PDE3B: variants seen among roughly 807,000 people sequenced by gnomAD.
PDE3B encodes the protein cGMP-inhibited 3',5'-cyclic phosphodiesterase 3B.
In PDE3B, 66 loss-of-function variants were observed where a neutral mutation model predicts 116.8. The ratio of observed to expected loss-of-function variants is 0.56; its 90% CI spans 0.46 to 0.69. PDE3B has a LOEUF of 0.69. Ranked by LOEUF, PDE3B falls within the 30% of genes least tolerant of loss-of-function variation. The probability of loss-of-function intolerance (pLI) is 0.00; values close to 1 mark genes in which losing one functional copy is unlikely to be tolerated. For missense variants in PDE3B, 1,384 were observed against 1,368.1 expected (o/e 1.01, Z -0.18); for synonymous variants, 595 against 533.6 (o/e 1.12, Z -1.59).
chr11:14,645,429 A>C (rs888057259), intron 1 of PDE3B, among the ~76,000 whole-genome samples: 2 of 152,168 alleles, frequency 1.3e-5, no homozygotes, highest in Non-Finnish European at 2.9e-5. Flanking sequence ...TTTTGGTGCC[A>C]TTTATCTGTT....
chr11:14,730,183 C>G (rs1432376378), intron 1 of PDE3B, among the ~76,000 whole-genome samples: 1 of 152,200 alleles, frequency 6.6e-6, no homozygotes, highest in African/African-American at 2.4e-5. Context: ...AATGGATTCT[C>G]TGATACTCCC....
At chr11:14,802,974 A>G (rs912070127) in intron 4 of PDE3B, among the ~76,000 whole-genome samples, 2 of 152,240 alleles carry the variant, frequency 1.3e-5, no homozygotes, top group Non-Finnish European at 2.9e-5. Flanking sequence ...TTAACAGTCC[A>G]TCTTAGAAAG....
chr11:14,671,844 A>G (rs1364231122), intron 1 of PDE3B, among the ~76,000 whole-genome samples: 1 of 151,866 alleles, frequency 6.6e-6, no homozygotes, highest in Non-Finnish European at 1.5e-5. Context: ...TTTGGGCAAC[A>G]TAGCAAGACT....
chr11:14,748,774 G>A (rs1177774988), intron 1 of PDE3B, among the ~76,000 whole-genome samples: 2 of 151,724 alleles, frequency 1.3e-5, no homozygotes, highest in African/African-American at 4.8e-5. Flanking sequence ...CTATAGTTAA[G>A]GTAAAAAGAT....
intron 1 of PDE3B, among the ~76,000 whole-genome samples, chr11:14,721,224 A>G (rs532445214): frequency 6.6e-6 from 1 of 152,342 alleles, no homozygotes; most frequent in African/African-American, 2.4e-5. Context: ...ACACTATGAG[A>G]TACCATCTCA....
chr11:14,878,291 C>T, the PDE3B span: 1 of 1,612,824 alleles, frequency 6.2e-7, no homozygotes, highest in Non-Finnish European at 8.5e-7. Flanking sequence ...AAGACAATGT[C>T]TTCTTCCTAA....
Position 14,644,560 on chromosome 11 carries a change from AC to A in PDE3B, c.487del (p.Leu163TrpfsTer39). The part of the protein sequence containing the change: ...WWLLALPACC[Y>X]LGDFLVWQWW... ...CTGCTGGCGCTGCCCGCCTGCTGTT[AC>A]CTGGGGGACTTCTTGGTGTGGCAGT... On this transcript the variant is annotated frameshift_variant, in exon 1 of 16. Coordinates refer to ENST00000282096, the MANE Select transcript of PDE3B (RefSeq NM_000922.4). LOFTEE classifies it high-confidence loss of function. The A allele has an allele frequency of 6.3e-7, 1 of 1,595,936 alleles. No individual in the cohort carries two copies. Among genetic ancestry groups the A allele is most frequent in the Non-Finnish European group, 8.5e-7 (1 of 1,171,574 alleles).
chr11:14,813,932 G>A (rs908197044), intron 5 of PDE3B, among the ~76,000 whole-genome samples: 1 of 152,148 alleles, frequency 6.6e-6, no homozygotes, highest in Non-Finnish European at 1.5e-5. Context: ...ATGTTGGGAA[G>A]TATTATTACA....
the PDE3B span, chr11:14,879,214 A>C: frequency 6.2e-7 from 1 of 1,613,322 alleles, no homozygotes; most frequent in Non-Finnish European, 8.5e-7. Context: ...AGTACTTTTC[A>C]TCAAAGTGTA....
At chr11:14,859,348 A>C (rs1366766401) in intron 13 of PDE3B, 102 bp downstream of exon 13, 1 of 694,972 alleles carries the variant, frequency 1.4e-6, no homozygotes, top group Non-Finnish European at 2.3e-6. Flanking sequence ...ACTACTTAGG[A>C]AGTAACAATA....
At chr11:14,737,718 T>C (rs1217590651) in intron 1 of PDE3B, among the ~76,000 whole-genome samples, 2 of 151,874 alleles carry the variant, frequency 1.3e-5, no homozygotes, top group African/African-American at 4.8e-5. Flanking sequence ...CTGCACCCAT[T>C]AACTCCTCAT....
At chr11:14,877,850 C>T in the PDE3B span, 67 of 395,406 alleles carry the variant, frequency 1.7e-4, no homozygotes, top group Non-Finnish European at 2.6e-4. Context: ...CAGCTTAGGG[C>T]GTCCATGACC....
chr11:14,842,074 C>G (rs1847484032), intron 11 of PDE3B, among the ~76,000 whole-genome samples: 1 of 151,234 alleles, frequency 6.6e-6, no homozygotes, highest in Non-Finnish European at 1.5e-5. Context: ...TTTATTAGTT[C>G]TAATAGTTTT....
At position 14,644,370 on chromosome 11, in the gene PDE3B, G is replaced by C; in HGVS notation, c.295G>C (p.Glu99Gln). 1.3e-6 allele frequency: 2 copies of C among 1,598,004 alleles called. No individual in the cohort carries two copies. Among genetic ancestry groups the C allele is most frequent in the Non-Finnish European group, 8.5e-7 (1 of 1,173,982 alleles). The change falls in exon 1 of 16, where the codon GAG (glutamate) becomes CAG (glutamine). Residue 99 changes from glutamate (E) to glutamine (Q), a missense_variant. Transcript: ENST00000282096. ...CGCCCTGCTGCTGGGCGCGGAACCC[G>C]AGAGCTGGGCTGCCGGGGCCGCCTG... ...VLALLLGAEP[E>Q]SWAAGAAWLR... is the part of the protein sequence containing the mutation.
rs141628830 is a variant in PDE3B at position 14,732,590 on chromosome 11, T to C, written c.979-39347T>C. ...TAAAATAGAAGTGTTCAAGATAACT[T>C]ACTAGGATGGATCATCTGTGTTTGC... On this transcript the variant is annotated intron_variant, in intron 1 of 15. Coordinates refer to ENST00000282096, the MANE Select transcript of PDE3B (RefSeq NM_000922.4). Among the ~76,000 whole-genome samples, 106 of 152,296 alleles carry C rather than the reference T, an allele frequency of 7.0e-4. No individual in the cohort carries two copies. The East Asian group carries it at 0.019, about 28-fold the overall frequency.
At chr11:14,674,050 A>T in intron 1 of PDE3B, 2 of 1,518,178 alleles carry the variant, frequency 1.3e-6, no homozygotes, top group South Asian at 1.1e-5. Flanking sequence ...CCAGTCATCA[A>T]CAAGCCACAG....
chr11:14,670,762 G>T (rs981493808), intron 1 of PDE3B, among the ~76,000 whole-genome samples: 2 of 152,134 alleles, frequency 1.3e-5, no homozygotes, highest in African/African-American at 2.4e-5. Context: ...AAGAGGAAAT[G>T]TGTTTGATTT....
At chr11:14,698,929 A>C (rs926213680) in intron 1 of PDE3B, 4 of 152,020 alleles carry the variant, frequency 2.6e-5, no homozygotes, top group Non-Finnish European at 4.4e-5. Context: ...CCAGGTGATC[A>C]TATGGGGATC....
At chr11:14,819,273 T>A in intron 7 of PDE3B, 64 bp downstream of exon 7, 1 of 963,182 alleles carries the variant, frequency 1.0e-6, no homozygotes, top group Non-Finnish European at 1.6e-6. Context: ...ATTTTTAGAA[T>A]GGGAAAATGA....
Sources: gnomAD v4.1 joint callset for allele counts (sites outside exome capture counted in the v4.1 genomes callset) on GRCh38, gnomAD v4.1.1 for gene constraint, MANE v1.5 for transcripts, NCBI Gene and HGNC (gene_info 2026-07-23, HGNC 2026-07-21) for gene names.